Variants in LRBA observed in about 807,000 individuals in gnomAD.
LRBA encodes the protein lipopolysaccharide-responsive and beige-like anchor protein.
A neutral mutation model predicts 330.0 loss-of-function variants in LRBA; 176 were observed. That is an observed-to-expected ratio of 0.53 (90% CI 0.47 to 0.60). LRBA has a LOEUF of 0.60. Among genes scored for constraint, LRBA ranks in the 20% least tolerant of loss-of-function variants. LRBA has a pLI of 0.00. For missense variants in LRBA, 3,259 were observed against 3,444.8 expected, an observed-to-expected ratio of 0.95 and a Z score of 1.35; for synonymous variants, 1,230 against 1,193.0, an observed-to-expected ratio of 1.03 and a Z score of -0.64.
intron 2 of LRBA, among the ~76,000 whole-genome samples, chr4:150,977,912 C>A (rs1740380760): frequency 6.6e-6 from 1 of 152,232 alleles, no homozygotes; most frequent in Non-Finnish European, 1.5e-5. Flanking sequence ...TATTCCACTC[C>A]TTGGCTCCTG....
chr4:150,599,536 A>G (rs1351584636), intron 37 of LRBA, among the ~76,000 whole-genome samples: 3 of 152,194 alleles, frequency 2.0e-5, no homozygotes, highest in Non-Finnish European at 4.4e-5. Flanking sequence ...TAAATATGGT[A>G]TAGCATTACC....
intron 37 of LRBA, among the ~76,000 whole-genome samples, chr4:150,639,753 A>ATGTGTGTATGTG (rs755120231): frequency 3.8e-5 from 1 of 26,386 alleles, no homozygotes; most frequent in Non-Finnish European, 6.6e-5. Flanking sequence ...ATATATATAT[A>ATGTGTGTATGTG]TATATATATA....
At chr4:150,503,074 G>T (rs1361310228) in intron 40 of LRBA, among the ~76,000 whole-genome samples, 1 of 152,216 alleles carries the variant, frequency 6.6e-6, no homozygotes, top group Non-Finnish European at 1.5e-5. Context: ...CTGGGTGGAG[G>T]CCACCATAGC....
At chr4:151,011,494 A>T (rs1744833774) in intron 2 of LRBA, among the ~76,000 whole-genome samples, 1 of 146,576 alleles carries the variant, frequency 6.8e-6, no homozygotes, top group Non-Finnish European at 1.5e-5. Flanking sequence ...GCTACTTGGG[A>T]GTCTGAGGCA....
Position 150,375,076 on chromosome 4 carries a change from AAGAGTAAGGGGGGGAATT to A in LRBA, c.7195-24935_7195-24918del, listed in dbSNP as rs1163321615. On this transcript the variant is annotated intron_variant, in intron 47 of 56. Transcript: ENST00000651943. Reference sequence around the variant, plus strand: ...GAGGGCATATAACCCATAAGCCTGTAAGAGTAAGGGGGGGAATTAGTATTACTGAAGCTCGTTGAGTGC... The same window carrying A: ...GAGGGCATATAACCCATAAGCCTGTAAGTATTACTGAAGCTCGTTGAGTGC... Among the ~76,000 whole-genome samples, 5 of 23,270 alleles carry A rather than the reference AAGAGTAAGGGGGGGAATT, an allele frequency of 2.1e-4. No individual in the cohort carries two copies. The East Asian group carries it at 2.7e-3, about 12-fold the overall frequency. 15.3% of individuals were successfully genotyped at this position (23,270 alleles called of 152,430 possible).
rs557324878 is a variant in LRBA at position 150,815,890 on chromosome 4, T to G, written c.5305+1234A>C. ...TTCTTTTACTTAACCTACTGGAACA[T>G]TTTCTCTATTCACTAAATACTATAA... On this transcript the variant is annotated intron_variant, in intron 31 of 56. Transcript: ENST00000651943. Among the ~76,000 whole-genome samples the G allele has an allele frequency of 8.6e-5, 13 of 152,014 alleles. No homozygotes were observed. The South Asian group carries it at 2.7e-3, about 32-fold the overall frequency.
chr4:150,560,025 C>T (rs1388952896), intron 40 of LRBA, among the ~76,000 whole-genome samples: 2 of 136,392 alleles, frequency 1.5e-5, no homozygotes, highest in Non-Finnish European at 3.1e-5. Context: ...GTATGGATGG[C>T]AGGTTAAAGT....
intron 36 of LRBA, among the ~76,000 whole-genome samples, chr4:150,685,421 T>TATATATATAC (rs58013900): frequency 2.7e-4 from 3 of 11,110 alleles, no homozygotes; most frequent in African/African-American, 1.1e-3. Flanking sequence ...TATATATATA[T>TATATATATAC]TTTTTTTTTT....
At chr4:150,654,181 C>T (rs573842619) in intron 37 of LRBA, among the ~76,000 whole-genome samples, 2 of 152,132 alleles carry the variant, frequency 1.3e-5, no homozygotes, top group African/African-American at 4.8e-5. Context: ...TGAGAAAAGT[C>T]TGTTGTCATT....
chr4:150,618,324 G>A (rs2126613826), intron 37 of LRBA, among the ~76,000 whole-genome samples: 1 of 152,210 alleles, frequency 6.6e-6, no homozygotes, highest in African/African-American at 2.4e-5. Flanking sequence ...TTGTCTATCT[G>A]AAAGACTCTC....
At chr4:150,517,120 A>C (rs529251930) in intron 40 of LRBA, among the ~76,000 whole-genome samples, 2 of 152,320 alleles carry the variant, frequency 1.3e-5, no homozygotes, top group South Asian at 4.1e-4. Flanking sequence ...TGTATATATT[A>C]TATGACTTTA....
chr4:150,517,977 G>C (rs1181905252), intron 40 of LRBA, among the ~76,000 whole-genome samples: 1 of 152,194 alleles, frequency 6.6e-6, no homozygotes, highest in Admixed American at 6.5e-5. Context: ...AGCAAAACTA[G>C]CACAAATTTC....
At position 150,342,143 on chromosome 4, in the gene LRBA, A is replaced by T. The variant is rs1458277513; in HGVS notation, c.7362+7849T>A. Among the ~76,000 whole-genome samples the T allele has an allele frequency of 2.6e-5, 4 of 151,902 alleles. No homozygotes were observed. The East Asian group carries it at 7.7e-4, about 29-fold the overall frequency. On this transcript the variant is annotated intron_variant, in intron 48 of 56. Transcript: ENST00000651943. ...ATTCTAATTTTTATCTTTTTTGAAA[A>T]TTTCTTCTTTCCTTGGGTTTTACGT...
At chr4:150,953,397 G>A (rs1737085377) in intron 2 of LRBA, among the ~76,000 whole-genome samples, 1 of 115,482 alleles carries the variant, frequency 8.7e-6, no homozygotes, top group African/African-American at 3.4e-5. Context: ...TCTTTGCACG[G>A]TCTCCCTCTG....
At chr4:150,797,028 ACTT>A (rs1368015489) in intron 34 of LRBA, among the ~76,000 whole-genome samples, 1 of 151,900 alleles carries the variant, frequency 6.6e-6, no homozygotes, top group Non-Finnish European at 1.5e-5. Flanking sequence ...CTAAGTAACT[ACTT>A]CTCACAAGTT....
intron 30 of LRBA, among the ~76,000 whole-genome samples, chr4:150,827,170 A>C (rs1188508910): frequency 6.6e-6 from 1 of 152,226 alleles, no homozygotes; most frequent in Non-Finnish European, 1.5e-5. Context: ...AAGACATAGA[A>C]GAAGCAGTAC....
chr4:150,657,199 T>A (rs1780280291), intron 37 of LRBA, among the ~76,000 whole-genome samples: 1 of 152,232 alleles, frequency 6.6e-6, no homozygotes, highest in African/African-American at 2.4e-5. Flanking sequence ...GGAGACATGT[T>A]TTTGTTTTTC....
At chr4:150,813,899 C>T (rs1369894208) in intron 31 of LRBA, among the ~76,000 whole-genome samples, 1 of 151,988 alleles carries the variant, frequency 6.6e-6, no homozygotes, top group Non-Finnish European at 1.5e-5. Context: ...AAGTTAGGTG[C>T]ATTAAATGCA....
intron 37 of LRBA, among the ~76,000 whole-genome samples, chr4:150,635,622 T>C (rs1364275073): frequency 6.6e-6 from 1 of 152,224 alleles, no homozygotes; most frequent in Non-Finnish European, 1.5e-5. Flanking sequence ...TGAAAATGTT[T>C]CAAATTTGTA....
Sources: allele counts gnomAD v4.1 joint callset (sites outside exome capture counted in the v4.1 genomes callset), GRCh38; gene constraint gnomAD v4.1.1; transcripts MANE v1.5; gene names NCBI Gene and HGNC (gene_info 2026-07-23, HGNC 2026-07-21).